The following DCBLD1 variants were observed in gnomAD, a reference collection of about 807,000 sequenced individuals.
DCBLD1 encodes the protein discoidin, CUB and LCCL domain-containing protein 1.
Under a neutral mutation model 71.5 loss-of-function variants are expected in DCBLD1, and 57 were observed. The observed-to-expected ratio is 0.80, with a 90% CI of 0.64 to 0.99. DCBLD1 has a LOEUF of 0.99. DCBLD1 is among the 50% of genes least tolerant of loss of function. DCBLD1 has a pLI of 0.00. For missense variants in DCBLD1, 891 were observed against 923.5 expected (o/e 0.96, Z 0.46); for synonymous variants, 380 against 363.8 (o/e 1.04, Z -0.51).
Position 117,519,882 on chromosome 6 carries a change from G to T in DCBLD1, c.392G>T (p.Arg131Leu). The change falls in exon 3 of 15, where the codon CGC becomes CTC. Residue 131 changes from arginine to leucine, a missense_variant. Physicochemically the swap from Arg to Leu is moderately radical, Grantham distance 102. Transcript: ENST00000338728. ...TTGAACACAAGTGAAGTAACCGTCCGCTTTGAGAGTGGATCCCACATTTCT... is the reference window on the plus strand; with the variant it reads ...TTGAACACAAGTGAAGTAACCGTCCTCTTTGAGAGTGGATCCCACATTTCT... ...LLLNTSEVTV[R>L]FESGSHISGR... 1 of 1,614,130 alleles carries T rather than the reference G, an allele frequency of 6.2e-7. No homozygotes were observed.
rs1473112279 is a variant in DCBLD1, at chr6:117,519,889, G to C, written c.399G>C (p.Glu133Asp). ...CAAGTGAAGTAACCGTCCGCTTTGAGAGTGGATCCCACATTTCTGGCCGGG... is the reference window on the plus strand; with the variant it reads ...CAAGTGAAGTAACCGTCCGCTTTGACAGTGGATCCCACATTTCTGGCCGGG... Reference protein sequence around the residue: ...LNTSEVTVRFESGSHISGRGF... With the variant: ...LNTSEVTVRFDSGSHISGRGF... Residue 133 changes from glutamate (E) to aspartate (D), a missense_variant, in exon 3 of 15, where the codon GAG becomes GAC. Glu to Asp is a conservative substitution (Grantham distance 45). Transcript: ENST00000338728. 1 of 1,614,124 alleles carries C rather than the reference G, an allele frequency of 6.2e-7. No individual in the cohort carries two copies. Among genetic ancestry groups the C allele is most frequent in the African/African-American group, 1.3e-5 (1 of 75,040 alleles).
At position 117,502,924 on chromosome 6, in the gene DCBLD1, T is replaced by C. The variant is rs147596306; in HGVS notation, c.113-843T>C. Among the ~76,000 whole-genome samples the C allele has an allele frequency of 6.0e-3, 920 of 152,328 alleles. 6 individuals carry two copies. The highest frequency in any genetic ancestry group is 0.021 in the African/African-American group (867 of 41,568). ...TGAACTTCCCTATTCAGAAAAGTCT[T>C]CAGATAATTTCTTGTTTTGATGAAA... On this transcript the variant is annotated intron_variant, in intron 1 of 14. Transcript: ENST00000338728.
chr6:117,489,836 G>A (rs1777226103), intron 1 of DCBLD1, among the ~76,000 whole-genome samples: 2 of 152,198 alleles, frequency 1.3e-5, no homozygotes, highest in South Asian at 2.1e-4. Flanking sequence ...AGTGAGCGGA[G>A]ATCACGCCCC....
chr6:117,547,631 C>T, intron 14 of DCBLD1: 2 of 703,278 alleles, frequency 2.8e-6, no homozygotes, highest in East Asian at 2.9e-5. Flanking sequence ...AGAGCCACTT[C>T]CTCCCTGAAG....
At chr6:117,563,244 T>C in intron 14 of DCBLD1, 1 of 1,610,282 alleles carries the variant, frequency 6.2e-7, no homozygotes, top group Non-Finnish European at 8.5e-7. Context: ...TGTCTGGAGA[T>C]ATGGTCAATT....
At chr6:117,532,210 T>C (rs1303537898) in intron 5 of DCBLD1, 50 bp from the exon 6 acceptor site, 2 of 1,540,404 alleles carry the variant, frequency 1.3e-6, no homozygotes, top group Admixed American at 2.2e-5. Context: ...TCCAACTATA[T>C]TTTAACTGTG....
Position 117,538,666 on chromosome 6 carries a change from T to G in DCBLD1, c.807T>G (p.Ala269=). Residue 269 remains alanine, a synonymous_variant, in exon 8 of 15, where the codon GCT becomes GCG. Coordinates refer to ENST00000338728, the MANE Select transcript of DCBLD1 (RefSeq NM_001366458.2). ...TTGAACCTGACGGGCAAATCAGAGC[T>G]TCTTCCTCATGGCAGTCGGTCAATG... ...LSFEPDGQIR[A]SSSWQSVNES... 1 of 1,614,180 alleles carries G rather than the reference T, an allele frequency of 6.2e-7. No individual in the cohort carries two copies. Among genetic ancestry groups the G allele is most frequent in the South Asian group, 1.1e-5 (1 of 91,078 alleles).
At chr6:117,565,687 T>C (rs1009007770) in intron 14 of DCBLD1, among the ~76,000 whole-genome samples, 1 of 152,214 alleles carries the variant, frequency 6.6e-6, no homozygotes, top group Admixed American at 6.5e-5. Context: ...ACGTATGTTT[T>C]ACAAAGTTCT....
At chr6:117,531,839 A>G (rs1778730831) in intron 5 of DCBLD1, among the ~76,000 whole-genome samples, 1 of 151,990 alleles carries the variant, frequency 6.6e-6, no homozygotes, top group South Asian at 2.1e-4. Flanking sequence ...TCTGTTATCG[A>G]TTTCTGCTTA....
intron 1 of DCBLD1, among the ~76,000 whole-genome samples, chr6:117,484,668 T>C (rs981621241): frequency 1.3e-5 from 2 of 152,236 alleles, no homozygotes; most frequent in African/African-American, 4.8e-5. Context: ...TTCAAATCTT[T>C]ATAATTTTAT....
At chr6:117,512,960 T>A (rs990053621) in intron 2 of DCBLD1, among the ~76,000 whole-genome samples, 1 of 152,062 alleles carries the variant, frequency 6.6e-6, no homozygotes, top group Non-Finnish European at 1.5e-5. Flanking sequence ...TTTTCAAACA[T>A]GTCCCTTCTA....
At chr6:117,520,456 T>A (rs985141444) in intron 3 of DCBLD1, among the ~76,000 whole-genome samples, 3 of 152,138 alleles carry the variant, frequency 2.0e-5, no homozygotes, top group Admixed American at 2.0e-4. Flanking sequence ...TTCGAAGTCT[T>A]CACTATTCTC....
downstream of DCBLD1, chr6:117,549,851 A>C: frequency 1.0e-6 from 1 of 985,432 alleles, no homozygotes; most frequent in Non-Finnish European, 1.2e-6. Flanking sequence ...AGAGGCACTC[A>C]AGGTTCAGCT....
chr6:117,529,149 T>C (rs575241927), intron 5 of DCBLD1, among the ~76,000 whole-genome samples: 2 of 152,312 alleles, frequency 1.3e-5, no homozygotes, highest in East Asian at 1.9e-4. Context: ...AGGAAGCTCA[T>C]TGTTTAATAG....
At chr6:117,539,224 A>C in intron 8 of DCBLD1, 31 bp from the exon 9 acceptor site, 1 of 1,502,948 alleles carries the variant, frequency 6.7e-7, no homozygotes. Flanking sequence ...AAACTTTTAA[A>C]AATAGCCTGT....
At chr6:117,511,193 C>G (rs1778008535) in intron 2 of DCBLD1, among the ~76,000 whole-genome samples, 1 of 152,154 alleles carries the variant, frequency 6.6e-6, no homozygotes, top group East Asian at 1.9e-4. Flanking sequence ...TCTTGTTCGT[C>G]ACTTGCTGGA....
intron 2 of DCBLD1, among the ~76,000 whole-genome samples, chr6:117,506,284 G>T (rs1016403422): frequency 6.6e-6 from 1 of 152,124 alleles, no homozygotes; most frequent in African/African-American, 2.4e-5. Flanking sequence ...GTGAAAGAGA[G>T]ATTTATATCT....
At chr6:117,538,050 A>G (rs775537858) in intron 7 of DCBLD1, among the ~76,000 whole-genome samples, 1 of 152,166 alleles carries the variant, frequency 6.6e-6, no homozygotes, top group Non-Finnish European at 1.5e-5. Flanking sequence ...CTATGTAAAT[A>G]TTCTCCCTTA....
chr6:117,560,319 A>C (rs1413860161), intron 14 of DCBLD1: 2 of 178,042 alleles, frequency 1.1e-5, no homozygotes, highest in Admixed American at 1.3e-4. Flanking sequence ...GATCAATATC[A>C]TTTTAATGTA....
Sources: allele counts gnomAD v4.1 joint callset (sites outside exome capture counted in the v4.1 genomes callset), GRCh38; gene constraint gnomAD v4.1.1; transcripts MANE v1.5; gene names NCBI Gene and HGNC (gene_info 2026-07-23, HGNC 2026-07-21).